Variants in CHCHD6 observed in about 807,000 individuals in gnomAD.
CHCHD6 encodes the protein MICOS complex subunit MIC25.
In CHCHD6, 28 loss-of-function variants were observed where a neutral mutation model predicts 32.3. The ratio of observed to expected loss-of-function variants is 0.87; its 90% CI spans 0.64 to 1.19. The LOEUF is 1.19. CHCHD6 is among the 50% of genes most tolerant of loss of function. CHCHD6 has a pLI of 0.00. For synonymous variants in CHCHD6, 122 were observed against 117.5 expected (o/e 1.04, Z -0.25); for missense variants, 333 against 307.0 (o/e 1.08, Z -0.63).
At chr3:126,910,097 C>T (rs966504095) in intron 5 of CHCHD6, among the ~76,000 whole-genome samples, 1 of 151,972 alleles carries the variant, frequency 6.6e-6, no homozygotes, top group South Asian at 2.1e-4. Context: ...GCCAACATGG[C>T]GAAACCCCCT....
intron 6 of CHCHD6, among the ~76,000 whole-genome samples, chr3:126,929,341 G>A (rs2078369409): frequency 6.6e-6 from 1 of 152,174 alleles, no homozygotes; most frequent in African/African-American, 2.4e-5. Flanking sequence ...ACACTGGGTT[G>A]CAGCACTGAA....
At chr3:126,953,302 C>T (rs566216018) in intron 6 of CHCHD6, 2 of 223,848 alleles carry the variant, frequency 8.9e-6, no homozygotes, top group South Asian at 3.2e-4. Context: ...AATGCCCTAA[C>T]ATGCCTGAGG....
intron 4 of CHCHD6, among the ~76,000 whole-genome samples, chr3:126,841,458 T>C (rs1270612554): frequency 6.6e-6 from 1 of 152,202 alleles, no homozygotes; most frequent in Non-Finnish European, 1.5e-5. Flanking sequence ...CTCTTTATTA[T>C]TTTTTAAAAT....
intron 1 of CHCHD6, among the ~76,000 whole-genome samples, chr3:126,708,160 T>C (rs1208526464): frequency 6.6e-6 from 1 of 152,210 alleles, no homozygotes; most frequent in African/African-American, 2.4e-5. Context: ...GAAGAGTGCA[T>C]ATTCACTCTG....
chr3:126,736,945 A>G (rs1437047904), intron 4 of CHCHD6, among the ~76,000 whole-genome samples: 2 of 152,182 alleles, frequency 1.3e-5, no homozygotes, highest in Non-Finnish European at 2.9e-5. Flanking sequence ...ATTTTAGGTG[A>G]GAATGAGATT....
intron 5 of CHCHD6, among the ~76,000 whole-genome samples, chr3:126,889,709 T>C (rs1179472336): frequency 1.3e-5 from 2 of 152,226 alleles, no homozygotes; most frequent in Non-Finnish European, 2.9e-5. Context: ...ACATCTTTCT[T>C]TCCCTCTGCC....
In CHCHD6 at chr3:126,950,206, A is replaced by G. The variant is rs143616853; in HGVS notation, c.567-7210A>G. On this transcript the variant is annotated intron_variant, in intron 6 of 7. Coordinates refer to ENST00000290913, the MANE Select transcript of CHCHD6 (RefSeq NM_032343.3). ...CAAGTTTTGTCATTGAGGGAAGGGA[A>G]GGCTTCAGAGAGGCTTTCTGTGCAT... 2.7e-3 allele frequency among the ~76,000 whole-genome samples: 418 copies of G among 152,282 alleles called. 2 individuals are homozygous for G. The highest frequency in any genetic ancestry group is 0.019 in the South Asian group (91 of 4,824).
chr3:126,716,209 T>C (rs536198847), intron 1 of CHCHD6, among the ~76,000 whole-genome samples: 15 of 152,322 alleles, frequency 9.8e-5, no homozygotes, highest in African/African-American at 3.1e-4. Context: ...CAGGTGGCAC[T>C]CCAGCAACTC....
At chr3:126,735,212 C>T (rs1412366562) in intron 4 of CHCHD6, among the ~76,000 whole-genome samples, 9 of 152,282 alleles carry the variant, frequency 5.9e-5, no homozygotes, top group African/African-American at 1.9e-4. Flanking sequence ...GCTGTCTCTT[C>T]GTTCTCACCT....
chr3:126,809,125 C>A (rs1187260802), intron 4 of CHCHD6, among the ~76,000 whole-genome samples: 1 of 152,120 alleles, frequency 6.6e-6, no homozygotes, highest in Non-Finnish European at 1.5e-5. Context: ...GCATATGCCA[C>A]CACGCCCAGC....
intron 4 of CHCHD6, among the ~76,000 whole-genome samples, chr3:126,787,704 A>G (rs902793745): frequency 1.3e-5 from 2 of 152,240 alleles, no homozygotes; most frequent in African/African-American, 4.8e-5. Flanking sequence ...GAAGTTGCTT[A>G]TCAGCTTAAG....
chr3:126,832,487 T>C (rs975726871), intron 4 of CHCHD6, among the ~76,000 whole-genome samples: 2 of 152,158 alleles, frequency 1.3e-5, no homozygotes, highest in Admixed American at 6.5e-5. Context: ...ATTTGTGGAA[T>C]AGATGATGAA....
rs544940530 is a variant in CHCHD6, at chr3:126,737,233, T to C, written c.411+4011T>C. On this transcript the variant is annotated intron_variant, in intron 4 of 7. Transcript: ENST00000290913. ...TACTTGGGAGGCTGAGGCAGGAGAA[T>C]CACTTGAACCTTGGAGGCGGAGGTT... Among the ~76,000 whole-genome samples the C allele has an allele frequency of 1.8e-3, 275 of 152,080 alleles. 1 individual carries two copies. The highest frequency in any genetic ancestry group is 2.6e-3 in the Non-Finnish European group (180 of 67,982).
At chr3:126,779,102 A>G (rs944941379) in intron 4 of CHCHD6, among the ~76,000 whole-genome samples, 1 of 151,966 alleles carries the variant, frequency 6.6e-6, no homozygotes, top group Non-Finnish European at 1.5e-5. Context: ...TTATTTGTTT[A>G]TTTAAGTAAG....
At chr3:126,895,399 AGC>A (rs2077824225) in intron 5 of CHCHD6, among the ~76,000 whole-genome samples, 1 of 152,222 alleles carries the variant, frequency 6.6e-6, no homozygotes, top group African/African-American at 2.4e-5. Flanking sequence ...CATCAGCAGC[AGC>A]GTCTGTGTCC....
chr3:126,792,604 T>C (rs1938607192), intron 4 of CHCHD6, among the ~76,000 whole-genome samples: 1 of 152,184 alleles, frequency 6.6e-6, no homozygotes, highest in Non-Finnish European at 1.5e-5. Context: ...TTTAATACTT[T>C]GTGGTCAGAT....
At chr3:126,948,627 C>G (rs1488185836) in intron 6 of CHCHD6, among the ~76,000 whole-genome samples, 2 of 152,206 alleles carry the variant, frequency 1.3e-5, no homozygotes, top group Non-Finnish European at 2.9e-5. Flanking sequence ...TCATCAAACC[C>G]ACTAACCTTT....
chr3:126,801,734 G>T (rs1450163129), intron 4 of CHCHD6, among the ~76,000 whole-genome samples: 2 of 152,222 alleles, frequency 1.3e-5, no homozygotes, highest in African/African-American at 4.8e-5. Context: ...CGCAGCTGGA[G>T]ATCTGAGAAC....
intron 5 of CHCHD6, among the ~76,000 whole-genome samples, chr3:126,874,136 A>G (rs1262376190): frequency 2.6e-5 from 4 of 152,144 alleles, no homozygotes; most frequent in Non-Finnish European, 5.9e-5. Context: ...CCAGGAACTC[A>G]TGACGCCTCA....
Sources: allele counts gnomAD v4.1 joint callset (sites outside exome capture counted in the v4.1 genomes callset), GRCh38; gene constraint gnomAD v4.1.1; transcripts MANE v1.5; gene names NCBI Gene and HGNC (gene_info 2026-07-23, HGNC 2026-07-21).